Variants in GRAMD1B observed in about 807,000 individuals in gnomAD.
The protein encoded by GRAMD1B is GRAM domain containing 1B.
GRAMD1B carries 37 observed loss-of-function variants against 99.7 expected under a neutral mutation model. The ratio of observed to expected loss-of-function variants is 0.37; its 90% CI spans 0.29 to 0.49. GRAMD1B has a LOEUF of 0.49. GRAMD1B is among the 20% of genes least tolerant of loss of function. GRAMD1B has a pLI of 0.98. For synonymous variants in GRAMD1B, 427 were observed against 387.6 expected (o/e 1.10, Z -1.19); for missense variants, 888 against 1,009.2 (o/e 0.88, Z 1.63).
intron 1 of GRAMD1B, among the ~76,000 whole-genome samples, chr11:123,400,960 G>C (rs1947639410): frequency 6.6e-6 from 1 of 152,132 alleles, no homozygotes; most frequent in Non-Finnish European, 1.5e-5. Context: ...GAACTAATAA[G>C]GGAAGAAGCT....
At chr11:123,493,842 GTTC>G (rs1010380536) in intron 2 of GRAMD1B, among the ~76,000 whole-genome samples, 4 of 152,138 alleles carry the variant, frequency 2.6e-5, no homozygotes, top group African/African-American at 9.7e-5. Context: ...GAAGACCTGA[GTTC>G]TTCCTCCCTG....
rs770845146 is a variant in GRAMD1B at position 123,509,805 on chromosome 11, C to T, written c.452+28912C>T. On this transcript the variant is annotated intron_variant, in intron 2 of 19. Transcript: ENST00000635736. Reference sequence around the variant, plus strand: ...TAGTCACTGCAAGCGAGCGGCCTGTCCCTGCTGGGCAGGAAACCTAGAGTG... The same window carrying T: ...TAGTCACTGCAAGCGAGCGGCCTGTTCCTGCTGGGCAGGAAACCTAGAGTG... 3.6e-4 allele frequency: 55 copies of T among 152,442 alleles called. No homozygotes were observed. In the Middle Eastern group the frequency reaches 0.01, roughly 28 times the overall value. 9.4% of individuals were successfully genotyped at this position (152,442 alleles called of 1,614,324 possible).
chr11:123,468,953 C>T (rs1950849492), intron 1 of GRAMD1B, among the ~76,000 whole-genome samples: 1 of 151,868 alleles, frequency 6.6e-6, no homozygotes, highest in Non-Finnish European at 1.5e-5. Context: ...ATTTAATTCT[C>T]CCAAAACCCC....
chr11:123,625,985 A>C lies in GRAMD1B; in HGVS notation c.*3390A>C. 6.7e-6 allele frequency: 1 copy of C among 148,808 alleles called. No homozygotes were observed. The highest frequency in any genetic ancestry group is 2.0e-4 in the East Asian group (1 of 4,990). The allele number at this position is 148,808 out of a possible 1,614,324, so 9.2% of individuals were successfully genotyped here. A position where few individuals can be genotyped will look rare whatever the true frequency, so the allele number is the denominator to read the frequency against. On this transcript the variant is annotated 3_prime_UTR_variant, in exon 20 of 20. Coordinates refer to ENST00000635736, the MANE Select transcript of GRAMD1B (RefSeq NM_001387025.1). ...GAGAGAGAGAGAGAGAGAGAGATCG[A>C]GCTTGATGTATTGCTCAGTATTCAC...
intron 1 of GRAMD1B, among the ~76,000 whole-genome samples, chr11:123,480,433 T>C (rs1036485404): frequency 2.6e-5 from 4 of 151,986 alleles, no homozygotes; most frequent in Non-Finnish European, 5.9e-5. Flanking sequence ...TGTCAGTGGC[T>C]TGAGAGTCTC....
intron 2 of GRAMD1B, among the ~76,000 whole-genome samples, chr11:123,532,069 T>G (rs1286603798): frequency 6.6e-6 from 1 of 152,168 alleles, no homozygotes; most frequent in African/African-American, 2.4e-5. Flanking sequence ...TTCTTTGGTT[T>G]GTGTTTGCAG....
intron 16 of GRAMD1B, 67 bp from the exon 17 acceptor site, chr11:123,614,678 T>C (rs1380368645): frequency 1.1e-6 from 1 of 873,224 alleles, no homozygotes; most frequent in Non-Finnish European, 1.9e-6. Context: ...GTTTGACCAG[T>C]GTCCCCACCA....
At chr11:123,410,756 G>C (rs567303522) in intron 1 of GRAMD1B, among the ~76,000 whole-genome samples, 1 of 152,260 alleles carries the variant, frequency 6.6e-6, no homozygotes, top group Non-Finnish European at 1.5e-5. Context: ...GTAGGGAGAG[G>C]CTGTGCTAGA....
In GRAMD1B at chr11:123,577,725, G is replaced by A. The variant is rs907223370; in HGVS notation, c.663+148G>A. ...GACAGTCATTATCCAGTGAGGTGAG[G>A]CGGGGCAGGCAGGAGAGACCCTAGT... On this transcript the variant is annotated intron_variant, in intron 3 of 19. Coordinates refer to ENST00000635736, the MANE Select transcript of GRAMD1B (RefSeq NM_001387025.1). 9.2e-6 allele frequency: 6 copies of A among 651,042 alleles called. No homozygotes were observed. In the African/African-American group the frequency reaches 1.1e-4, roughly 12 times the overall value. The allele number at this position is 651,042 out of a possible 1,614,324, so 40.3% of individuals were successfully genotyped here. A position where few individuals can be genotyped will look rare whatever the true frequency, so the allele number is the denominator to read the frequency against.
At position 123,513,194 on chromosome 11, in the gene GRAMD1B, C is replaced by T. The variant is rs118185154; in HGVS notation, c.452+32301C>T. Among the ~76,000 whole-genome samples the T allele has an allele frequency of 5.5e-4, 84 of 152,350 alleles. 3 individuals carry two copies. The East Asian group carries it at 0.014, about 25-fold the overall frequency. ...ATACTATTCCCAGAATTTCCCCTAG[C>T]CGCAATGTACTGGGTTAATTTACCC... On this transcript the variant is annotated intron_variant, in intron 2 of 19. Transcript: ENST00000635736.
At chr11:123,524,908 T>C (rs1942553318) in intron 2 of GRAMD1B, among the ~76,000 whole-genome samples, 1 of 152,184 alleles carries the variant, frequency 6.6e-6, no homozygotes, top group Admixed American at 6.5e-5. Context: ...AAAGGGATCA[T>C]ATAGCCAGGG....
chr11:123,503,040 A>G (rs1376260010), intron 2 of GRAMD1B, among the ~76,000 whole-genome samples: 1 of 152,150 alleles, frequency 6.6e-6, no homozygotes, highest in Non-Finnish European at 1.5e-5. Flanking sequence ...CGCTAACCTG[A>G]GAAGAGATCA....
At chr11:123,588,032 T>C (rs1412958574) in intron 4 of GRAMD1B, among the ~76,000 whole-genome samples, 2 of 136,140 alleles carry the variant, frequency 1.5e-5, no homozygotes, top group South Asian at 2.7e-4. Flanking sequence ...CCCTTCTCCA[T>C]AGCCCCCATG....
chr11:123,440,955 A>T (rs1405803113), intron 1 of GRAMD1B, among the ~76,000 whole-genome samples: 1 of 152,166 alleles, frequency 6.6e-6, no homozygotes, highest in Non-Finnish European at 1.5e-5. Context: ...AGTTTTAAAA[A>T]TGGGAATTTC....
At chr11:123,599,905 T>A (rs1178270163) in intron 7 of GRAMD1B, among the ~76,000 whole-genome samples, 1 of 152,226 alleles carries the variant, frequency 6.6e-6, no homozygotes, top group African/African-American at 2.4e-5. Context: ...TTAAGTGAAA[T>A]AGCATTTGTG....
chr11:123,362,771 A>AG (rs1390518817), intron 1 of GRAMD1B, among the ~76,000 whole-genome samples: 1 of 152,046 alleles, frequency 6.6e-6, no homozygotes, highest in African/African-American at 2.4e-5. Flanking sequence ...GGTAGGGGAT[A>AG]GGGGGAGAGG....
At chr11:123,403,546 T>G (rs1947748775) in intron 1 of GRAMD1B, among the ~76,000 whole-genome samples, 1 of 151,518 alleles carries the variant, frequency 6.6e-6, no homozygotes, top group Non-Finnish European at 1.5e-5. Flanking sequence ...TTTTGTTTGT[T>G]TGTAAAATTG....
chr11:123,481,388 A>G (rs1951596585), intron 2 of GRAMD1B, among the ~76,000 whole-genome samples: 1 of 152,196 alleles, frequency 6.6e-6, no homozygotes, highest in South Asian at 2.1e-4. Flanking sequence ...TGGGAGGCAG[A>G]GGTTGCAGTG....
chr11:123,576,917 A>T (rs1441608246), intron 2 of GRAMD1B, among the ~76,000 whole-genome samples: 3 of 152,222 alleles, frequency 2.0e-5, no homozygotes, highest in African/African-American at 4.8e-5. Context: ...TAGGATTGTA[A>T]TTGTTATTTT....
Sources: gnomAD v4.1 joint callset for allele counts (sites outside exome capture counted in the v4.1 genomes callset) on GRCh38, gnomAD v4.1.1 for gene constraint, MANE v1.5 for transcripts, NCBI Gene and HGNC (gene_info 2026-07-23, HGNC 2026-07-21) for gene names.